STK36: variants seen among roughly 807,000 people sequenced by gnomAD.
STK36 encodes the protein serine/threonine-protein kinase 36.
STK36 carries 116 observed loss-of-function variants against 142.2 expected under a neutral mutation model. That is an observed-to-expected ratio of 0.82 (90% CI 0.70 to 0.95). STK36 has a LOEUF of 0.95. Among genes scored for constraint, STK36 ranks in the 40% least tolerant of loss-of-function variants. The pLI, the probability that STK36 is intolerant of heterozygous loss-of-function variation, is 0.00. For synonymous variants in STK36, 619 were observed against 641.7 expected (o/e 0.96, Z 0.53); for missense variants, 1,422 against 1,617.2 (o/e 0.88, Z 2.07).
At chr2:218,682,452 C>A (rs1032904154) in intron 10 of STK36, among the ~76,000 whole-genome samples, 5 of 152,166 alleles carry the variant, frequency 3.3e-5, no homozygotes, top group Non-Finnish European at 7.3e-5. Flanking sequence ...AGAAATTTAA[C>A]ATTGATATAA....
intron 6 of STK36, 66 bp from the exon 7 acceptor site, chr2:218,679,102 C>A (rs1262002640): frequency 4.1e-6 from 6 of 1,473,928 alleles, no homozygotes; most frequent in Non-Finnish European, 4.7e-6. Flanking sequence ...TTTGCTAGTT[C>A]TGCTGATAGA....
In STK36 at chr2:218,692,583, G is replaced by A; in HGVS notation, c.1916G>A (p.Gly639Glu). ...AGTTACTCTTTGCTTTTCTCCACAGGAGCCCCGCAAGTGAGCCAGCCACTG... is the reference window on the plus strand; with the variant it reads ...AGTTACTCTTTGCTTTTCTCCACAGAAGCCCCGCAAGTGAGCCAGCCACTG... ...VPQLPVHTPQ[G>E]APQVSQPLRE... Residue 639 changes from glycine to glutamate, a missense_variant and splice_region_variant, in exon 16 of 27, where the codon GGA becomes GAA. By Grantham distance (98) the Gly-to-Glu change is moderately conservative. Around this residue, in one of 2 missense-constraint regions of STK36, gnomAD observed 962 missense variants for 1,167.5 expected, o/e 0.82. Coordinates refer to ENST00000295709, the MANE Select transcript of STK36 (RefSeq NM_015690.5). The A allele has an allele frequency of 6.2e-7, 1 of 1,610,792 alleles. No individual in the cohort carries two copies. Among genetic ancestry groups the A allele is most frequent in the East Asian group, 2.2e-5 (1 of 44,860 alleles).
chr2:218,698,959 C>T lies in STK36; in HGVS notation c.3415C>T (p.His1139Tyr), dbSNP rs778354344. The T allele has an allele frequency of 3.7e-6, 6 of 1,614,160 alleles. No individual in the cohort carries two copies. In the South Asian group the frequency reaches 6.6e-5, roughly 18 times the overall value. The change falls in exon 26 of 27, where the codon CAC becomes TAC. Residue 1139 changes from histidine (H) to tyrosine (Y), a missense_variant. Physicochemically the swap from His to Tyr is moderately conservative, Grantham distance 83. This residue lies in a region of STK36 where 962 missense variants were observed against 1,167.5 expected (regional missense o/e 0.82). Transcript: ENST00000295709. ...TAGGCTCCTGGGACACTTGCTCCAACACAGCATGGCCCTGCGTGGGGCACT... is the reference window on the plus strand; with the variant it reads ...TAGGCTCCTGGGACACTTGCTCCAATACAGCATGGCCCTGCGTGGGGCACT... ...TYRLLGHLLQ[H>Y]SMALRGALQS...
Position 218,698,811 on chromosome 2 carries a change from C to CA in STK36, c.3268dup (p.Arg1090LysfsTer19), listed in dbSNP as rs781534295. 7 of 1,614,090 alleles carry CA rather than the reference C, an allele frequency of 4.3e-6. No individual in the cohort carries two copies. The African/African-American group carries it at 9.3e-5, about 22-fold the overall frequency. ...TTCTCTCTCTGCTGGCCCATACTGC[C>CA]AGGGTCCTGTCTCCCAGCCACTTGT... On this transcript the variant is annotated frameshift_variant, in exon 26 of 27. Transcript: ENST00000295709. LOFTEE classifies it high-confidence loss of function.
chr2:218,700,101 T>A (rs867514841), intron 26 of STK36, among the ~76,000 whole-genome samples: 41 of 152,182 alleles, frequency 2.7e-4, no homozygotes, highest in African/African-American at 9.2e-4. Context: ...TTTGTATTTT[T>A]AGTAGAGACA....
intron 9 of STK36, 134 bp from the exon 10 acceptor site, chr2:218,680,469 A>G: frequency 1.5e-6 from 1 of 679,952 alleles, no homozygotes; most frequent in Non-Finnish European, 2.5e-6. Context: ...CACATCCCAG[A>G]AAGAAGTCTC....
intron 4 of STK36, 48 bp from the exon 5 acceptor site, chr2:218,675,295 T>C (rs773318292): frequency 6.3e-7 from 1 of 1,576,816 alleles, no homozygotes; most frequent in Admixed American, 1.8e-5. Context: ...GTCAGCCAGC[T>C]GCTGTTTCTA....
rs1941056850 is a variant in STK36 at position 218,692,683 on chromosome 2, G to C, written c.2016G>C (p.Leu672=). Residue 672 remains leucine, a synonymous_variant, in exon 16 of 27, where the codon CTG becomes CTC. Transcript: ENST00000295709. ...CCATATGCACTGCTCCTGTGGGACT[G>C]CCCGACTGCTGGGATGCCAAGGAGC... The part of the protein sequence containing the change: ...LAAICTAPVG[L]PDCWDAKEQV... 3 of 1,613,234 alleles carry C rather than the reference G, an allele frequency of 1.9e-6. No homozygotes were observed. The highest frequency in any genetic ancestry group is 2.5e-6 in the Non-Finnish European group (3 of 1,179,830).
Position 218,673,646 on chromosome 2 carries a change from C to G in STK36, c.106C>G (p.Pro36Ala). 1.2e-6 allele frequency: 2 copies of G among 1,613,980 alleles called. No homozygotes were observed. The highest frequency in any genetic ancestry group is 1.7e-6 in the Non-Finnish European group (2 of 1,179,968). ...ACAGGTCGTGGCCCTGAAGTTCATC[C>G]CAAAATTGGGGCGCTCAGAGAAGGA... ...SAQVVALKFI[P>A]KLGRSEKELR... Residue 36 changes from proline to alanine, a missense_variant, in exon 3 of 27, where the codon CCA becomes GCA. Physicochemically the swap from Pro to Ala is conservative, Grantham distance 27. Coordinates refer to ENST00000295709, the MANE Select transcript of STK36 (RefSeq NM_015690.5).
chr2:218,699,033 C>T lies in STK36; in HGVS notation c.3489C>T (p.Asp1163=), dbSNP rs1400930490. ...GCCTTCTGCTGCTTGGGCTTGGAGA[C>T]AAGGATCCTGTTGTGCGGTGCAGTG... The part of the protein sequence containing the change: ...LLSLLLLGLG[D]KDPVVRCSAS... The change falls in exon 26 of 27, where the codon GAC becomes GAT. Residue 1163 remains aspartate (D), a synonymous_variant. Coordinates refer to ENST00000295709, the MANE Select transcript of STK36 (RefSeq NM_015690.5). 1.2e-6 allele frequency: 2 copies of T among 1,614,154 alleles called. No individual in the cohort carries two copies. The highest frequency in any genetic ancestry group is 3.3e-5 in the Admixed American group (2 of 60,006).
chr2:218,679,115 G>C (rs1395693616), intron 6 of STK36, 53 bp from the exon 7 acceptor site: 1 of 1,549,400 alleles, frequency 6.5e-7, no homozygotes, highest in South Asian at 1.1e-5. Flanking sequence ...CTGATAGAGA[G>C]AGACTTAAGG....
chr2:218,687,802 G>T (rs1454387951), intron 11 of STK36, among the ~76,000 whole-genome samples: 6 of 152,160 alleles, frequency 3.9e-5, no homozygotes, highest in Admixed American at 3.3e-4. Flanking sequence ...ATTTAGAACA[G>T]CTAATGGAAT....
chr2:218,693,116 GT>G (rs2106361494), intron 16 of STK36, 123 bp from the exon 17 acceptor site: 1 of 824,590 alleles, frequency 1.2e-6, no homozygotes, highest in Non-Finnish European at 1.9e-6. Context: ...GGGGTCTGAG[GT>G]TTCTGGTGAA....
rs544774829 is a variant in STK36, at chr2:218,675,196, A to G, written c.304-147A>G. ...ATGAAAGAGTGATTAAACAAGGGGA[A>G]CAATAACTAAGAAAGAATAGTGTGA... On this transcript the variant is annotated intron_variant, in intron 4 of 26. Transcript: ENST00000295709. 53 of 837,768 alleles carry G rather than the reference A, an allele frequency of 6.3e-5. No individual in the cohort carries two copies. In the African/African-American group the frequency reaches 7.3e-4, roughly 12 times the overall value. The allele number at this position is 837,768 out of a possible 1,614,324, so 51.9% of individuals were successfully genotyped here.
At chr2:218,684,106 C>CATT (rs1553602250) in intron 10 of STK36, among the ~76,000 whole-genome samples, 2 of 105,186 alleles carry the variant, frequency 1.9e-5, no homozygotes, top group African/African-American at 8.5e-5. Flanking sequence ...GCCTCACGAT[C>CATT]TTTTTTTTTT....
intron 1 of STK36, 67 bp downstream of exon 1, chr2:218,672,282 G>C (rs1275643303): frequency 6.2e-6 from 3 of 481,582 alleles, no homozygotes; most frequent in Non-Finnish European, 1.1e-5. Context: ...GTCAGGCAAC[G>C]TATGCAGGCA....
chr2:218,691,542 CTAGGATTT>C (rs1940997416), intron 14 of STK36, among the ~76,000 whole-genome samples: 1 of 151,902 alleles, frequency 6.6e-6, no homozygotes, highest in Non-Finnish European at 1.5e-5. Context: ...CCAGGAATCC[CTAGGATTT>C]CTTCTTTTCT....
chr2:218,696,472 A>T (rs2106365062), intron 21 of STK36, 55 bp from the exon 22 acceptor site: 1 of 1,529,814 alleles, frequency 6.5e-7, no homozygotes, highest in African/African-American at 1.4e-5. Context: ...GCCTTGGTTT[A>T]ACGGACACCC....
intron 26 of STK36, among the ~76,000 whole-genome samples, chr2:218,700,527 A>G (rs1003258310): frequency 4.0e-5 from 6 of 151,256 alleles, no homozygotes; most frequent in Non-Finnish European, 8.8e-5. Context: ...TCAGCCTCCC[A>G]AGTAGCTGGG....
Sources: allele counts gnomAD v4.1 joint callset (sites outside exome capture counted in the v4.1 genomes callset), GRCh38; gene constraint gnomAD v4.1.1; regional missense constraint gnomAD v4.1.1; transcripts MANE v1.5; gene names NCBI Gene and HGNC (gene_info 2026-07-23, HGNC 2026-07-21).